SUSD1: variants seen among roughly 807,000 people sequenced by gnomAD.
SUSD1 encodes the protein sushi domain-containing protein 1.
SUSD1 carries 65 observed loss-of-function variants against 86.9 expected under a neutral mutation model. That is an observed-to-expected ratio of 0.75 (90% confidence interval 0.61 to 0.92). The LOEUF (loss-of-function observed/expected upper bound fraction) is 0.92. Ranked by LOEUF, SUSD1 falls within the 40% of genes least tolerant of loss-of-function variation. The pLI is 0.00. For synonymous variants in SUSD1, 346 were observed against 350.0 expected, an observed-to-expected ratio of 0.99 and a Z score of 0.13; for missense variants, 850 against 929.7, an observed-to-expected ratio of 0.91 and a Z score of 1.11.
At chr9:112,161,884 T>C (rs1218360624) in intron 1 of SUSD1, among the ~76,000 whole-genome samples, 1 of 151,740 alleles carries the variant, frequency 6.6e-6, no homozygotes, top group African/African-American at 2.4e-5. Context: ...TGTTTCAGTT[T>C]GGGATGATGA....
intron 13 of SUSD1, 36 bp from the exon 14 acceptor site, chr9:112,058,722 T>C (rs370221606): frequency 2.5e-6 from 4 of 1,601,618 alleles, no homozygotes; most frequent in Non-Finnish European, 3.4e-6. Flanking sequence ...ATCAGACCCT[T>C]GCATGGGGAG....
At chr9:112,061,029 C>T (rs561901858) in intron 13 of SUSD1, among the ~76,000 whole-genome samples, 2 of 152,280 alleles carry the variant, frequency 1.3e-5, no homozygotes, top group East Asian at 1.9e-4. Flanking sequence ...GACCTCATAC[C>T]GACCTACTGA....
intron 13 of SUSD1, among the ~76,000 whole-genome samples, chr9:112,061,676 G>A (rs1236868723): frequency 6.6e-6 from 1 of 152,158 alleles, no homozygotes; most frequent in African/African-American, 2.4e-5. Flanking sequence ...TTTATACAAT[G>A]TCCATCCCTG....
chr9:112,157,761 G>A (rs1275042961), intron 1 of SUSD1, 148 bp from the exon 2 acceptor site: 1 of 491,986 alleles, frequency 2.0e-6, no homozygotes, highest in Non-Finnish European at 3.6e-6. Flanking sequence ...TTCAGTGGCT[G>A]TTTATTTCTC....
intron 5 of SUSD1, among the ~76,000 whole-genome samples, chr9:112,126,640 C>T (rs1224965165): frequency 6.6e-6 from 1 of 152,100 alleles, no homozygotes; most frequent in Admixed American, 6.6e-5. Context: ...GAGAGGATTT[C>T]AGCACGGCTT....
intron 8 of SUSD1, among the ~76,000 whole-genome samples, chr9:112,106,490 C>T (rs955528603): frequency 3.9e-5 from 6 of 152,040 alleles, no homozygotes; most frequent in Non-Finnish European, 8.8e-5. Context: ...CCCTGAGGAG[C>T]AGGCAAATCA....
chr9:112,149,548 G>A lies in SUSD1; in HGVS notation c.218-149C>T, dbSNP rs539159142. On this transcript the variant is annotated intron_variant, in intron 2 of 16. Coordinates refer to ENST00000374270, the MANE Select transcript of SUSD1 (RefSeq NM_022486.5). Reference sequence around the variant, plus strand: ...TTTCTCCAGCCTCTTCTCCTTTCACGATGCTCCCCAGACTACAGGACCTGG... The same window carrying A: ...TTTCTCCAGCCTCTTCTCCTTTCACAATGCTCCCCAGACTACAGGACCTGG... The A allele has an allele frequency of 1.9e-5, 18 of 925,970 alleles. No individual in the cohort carries two copies. In the East Asian group the frequency reaches 2.0e-4, roughly 10 times the overall value. The allele number at this position is 925,970 out of a possible 1,614,324, so 57.4% of individuals were successfully genotyped here.
chr9:112,159,148 T>C (rs1040185578), intron 1 of SUSD1, among the ~76,000 whole-genome samples: 7 of 152,142 alleles, frequency 4.6e-5, no homozygotes, highest in Non-Finnish European at 8.8e-5. Flanking sequence ...ATCTACCAGA[T>C]GGTGATATAT....
rs371645002 is a variant in SUSD1, at chr9:112,157,583, T to C, written c.134A>G (p.His45Arg). 2.5e-6 allele frequency: 4 copies of C among 1,614,136 alleles called. No homozygotes were observed. Among genetic ancestry groups the C allele is most frequent in the African/African-American group, 2.7e-5 (2 of 75,046 alleles). Residue 45 changes from histidine (H) to arginine (R), a missense_variant, in exon 2 of 17, where the codon CAT becomes CGT. His to Arg is a conservative substitution (Grantham distance 29). Coordinates refer to ENST00000374270, the MANE Select transcript of SUSD1 (RefSeq NM_022486.5). ...CCCTTCTCTTTGCTGGCATGTGGCA[T>C]GTTCATGGCAAGTGGCACAGACGTC... ...GLDVCATCHE[H>R]ATCQQREGKK...
chr9:112,084,668 C>T (rs559241890), intron 10 of SUSD1, among the ~76,000 whole-genome samples: 1 of 152,254 alleles, frequency 6.6e-6, no homozygotes, highest in South Asian at 2.1e-4. Context: ...GAAAAGGATC[C>T]CCAGTAGAGC....
At chr9:112,170,148 C>A (rs1377586998) in intron 1 of SUSD1, among the ~76,000 whole-genome samples, 1 of 152,180 alleles carries the variant, frequency 6.6e-6, no homozygotes, top group East Asian at 1.9e-4. Flanking sequence ...GGAAGACAAG[C>A]CATGGTGGGC....
chr9:112,097,552 C>G (rs13288754), intron 10 of SUSD1, among the ~76,000 whole-genome samples: 23,264 of 151,552 alleles, frequency 0.15, 1,900 homozygotes, highest in Admixed American at 0.21. Flanking sequence ...CACACACCAC[C>G]ATGCCCAGCT....
At chr9:112,115,817 A>AG (rs1831294427) in intron 6 of SUSD1, among the ~76,000 whole-genome samples, 4 of 19,152 alleles carry the variant, frequency 2.1e-4, no homozygotes, top group Non-Finnish European at 3.0e-4. Context: ...GCAAAAAAAA[A>AG]AAAAAAGAAA....
At position 112,041,384 on chromosome 9, in the gene SUSD1, A is replaced by G. The variant is rs1827726457; in HGVS notation, c.*108T>C. 3 of 771,756 alleles carry G rather than the reference A, an allele frequency of 3.9e-6. No individual in the cohort carries two copies. The highest frequency in any genetic ancestry group is 7.2e-6 in the Non-Finnish European group (3 of 414,848). The allele number at this position is 771,756 out of a possible 1,614,324, so 47.8% of individuals were successfully genotyped here. On this transcript the variant is annotated 3_prime_UTR_variant, in exon 17 of 17. Transcript: ENST00000374270. Reference sequence around the variant, plus strand: ...GGAATGGAGAAAGTTGCAGGCCCACATGCTCCCTGGACGGAAGTCACACGG... The same window carrying G: ...GGAATGGAGAAAGTTGCAGGCCCACGTGCTCCCTGGACGGAAGTCACACGG...
At chr9:112,156,085 G>T (rs112103020) in intron 2 of SUSD1, among the ~76,000 whole-genome samples, 125 of 151,908 alleles carry the variant, frequency 8.2e-4, no homozygotes, top group African/African-American at 2.7e-3. Context: ...CAGCAAGGTT[G>T]CAGTGAGCTA....
At chr9:112,112,655 A>G (rs1239031482) in intron 7 of SUSD1, 116 bp downstream of exon 7, 3 of 688,528 alleles carry the variant, frequency 4.4e-6, no homozygotes, top group Non-Finnish European at 7.4e-6. Context: ...AAAAGAAAAA[A>G]AGAAAAAAAA....
At position 112,165,635 on chromosome 9, in the gene SUSD1, C is replaced by T. The variant is rs146816023; in HGVS notation, c.104-8022G>A. ...ATGTTGGCCAGGCTGGTCTTGAACT[C>T]CTGACCTCAAGCAATCCACCCACCT... On this transcript the variant is annotated intron_variant, in intron 1 of 16. Coordinates refer to ENST00000374270, the MANE Select transcript of SUSD1 (RefSeq NM_022486.5). Among the ~76,000 whole-genome samples, 324 of 151,836 alleles carry T rather than the reference C, an allele frequency of 2.1e-3. 3 individuals carry two copies. Among genetic ancestry groups the T allele is most frequent in the African/African-American group, 7.2e-3 (300 of 41,402 alleles).
intron 3 of SUSD1, among the ~76,000 whole-genome samples, chr9:112,146,667 G>T (rs569242196): frequency 6.7e-6 from 1 of 148,642 alleles, no homozygotes; most frequent in Non-Finnish European, 1.5e-5. Context: ...ACAAAGTCTC[G>T]CTCTGTCACC....
chr9:112,130,798 C>A (rs1831998277), intron 5 of SUSD1, among the ~76,000 whole-genome samples: 1 of 144,762 alleles, frequency 6.9e-6, no homozygotes, highest in African/African-American at 2.6e-5. Flanking sequence ...CTGAGGAGGG[C>A]AGATCACTTT....
Sources: allele counts gnomAD v4.1 joint callset (sites outside exome capture counted in the v4.1 genomes callset), GRCh38; gene constraint gnomAD v4.1.1; transcripts MANE v1.5; gene names NCBI Gene and HGNC (gene_info 2026-07-23, HGNC 2026-07-21).